The following AKAP10 variants were observed in gnomAD, a reference collection of about 807,000 sequenced individuals.
The protein encoded by AKAP10 is A-kinase anchor protein 10, mitochondrial.
In AKAP10, 24 loss-of-function variants were observed where a neutral mutation model predicts 80.8. That is an observed-to-expected ratio of 0.30 (90% CI 0.22 to 0.42). The LOEUF (loss-of-function observed/expected upper bound fraction) is 0.42. Ranked by LOEUF, AKAP10 falls within the 10% of genes least tolerant of loss-of-function variation. The probability of loss-of-function intolerance (pLI) is 1.00; values close to 1 mark genes in which losing one functional copy is unlikely to be tolerated. For synonymous variants in AKAP10, 291 were observed against 277.7 expected (o/e 1.05, Z -0.48); for missense variants, 661 against 794.9 (o/e 0.83, Z 2.03).
intron 1 of AKAP10, among the ~76,000 whole-genome samples, chr17:19,972,035 G>A (rs2043504420): frequency 6.6e-6 from 1 of 152,154 alleles, no homozygotes; most frequent in Non-Finnish European, 1.5e-5. Flanking sequence ...GAACCCAGGA[G>A]GCAGAGATTG....
At position 19,909,254 on chromosome 17, in the gene AKAP10, T is replaced by G. The variant is rs769991132; in HGVS notation, c.1910A>C (p.Lys637Thr). Residue 637 changes from lysine to threonine, a missense_variant, in exon 14 of 15, where the codon AAG becomes ACG. By Grantham distance (78) the Lys-to-Thr change is moderately conservative. Transcript: ENST00000225737. ...TDEAQEELAW[K>T]IAKMIVSDIM... Reference sequence around the variant, plus strand: ...GTCACTGACTATCATTTTAGCAATCTTCCAAGCTAGCTCTTCCTGGGCCTA... The same window carrying G: ...GTCACTGACTATCATTTTAGCAATCGTCCAAGCTAGCTCTTCCTGGGCCTA... 6.2e-7 allele frequency: 1 copy of G among 1,613,474 alleles called. No homozygotes were observed. The highest frequency in any genetic ancestry group is 8.5e-7 in the Non-Finnish European group (1 of 1,179,868).
intron 4 of AKAP10, among the ~76,000 whole-genome samples, chr17:19,952,000 T>C (rs972727385): frequency 3.3e-5 from 5 of 149,328 alleles, no homozygotes; most frequent in Non-Finnish European, 7.4e-5. Context: ...AATCCAAAGA[T>C]ATTAATATTA....
At chr17:19,909,506 A>G (rs1021777410) in intron 13 of AKAP10, among the ~76,000 whole-genome samples, 1 of 152,224 alleles carries the variant, frequency 6.6e-6, no homozygotes, top group Non-Finnish European at 1.5e-5. Flanking sequence ...AACTACTTTC[A>G]TATTAGATGG....
chr17:19,968,596 C>G (rs2043454046), intron 1 of AKAP10, 135 bp from the exon 2 acceptor site: 2 of 672,942 alleles, frequency 3.0e-6, no homozygotes, highest in Middle Eastern at 3.6e-4. Flanking sequence ...TGGAGGAGGG[C>G]ACAGGAGGGT....
chr17:19,937,509 A>T (rs1361882564), intron 8 of AKAP10, among the ~76,000 whole-genome samples: 7 of 152,202 alleles, frequency 4.6e-5, no homozygotes, highest in Non-Finnish European at 7.3e-5. Flanking sequence ...CTCAAAAAAT[A>T]AAAAAGAAGA....
In AKAP10 at chr17:19,977,577, C is replaced by T; in HGVS notation, c.88+15G>A. 1 of 1,233,272 alleles carries T rather than the reference C, an allele frequency of 8.1e-7. No individual in the cohort carries two copies. Among genetic ancestry groups the T allele is most frequent in the Non-Finnish European group, 1.0e-6 (1 of 987,666 alleles). The allele number at this position is 1,233,272 out of a possible 1,614,324, so 76.4% of individuals were successfully genotyped here. On this transcript the variant is annotated intron_variant, in intron 1 of 14. Transcript: ENST00000225737. ...GAGGCCCGGCCTGACTCCCCGCCGG[C>T]GCCCCCTCAGCTACCTTTCCGCCGG...
intron 4 of AKAP10, among the ~76,000 whole-genome samples, chr17:19,953,785 A>C (rs1363681558): frequency 6.6e-6 from 1 of 152,122 alleles, no homozygotes; most frequent in Non-Finnish European, 1.5e-5. Context: ...TAATCCTAAC[A>C]CTTTGGGAGG....
chr17:19,909,274 G>A lies in AKAP10; in HGVS notation c.1890C>T (p.Ala630=). Residue 630 remains alanine (A), a splice_region_variant and synonymous_variant, in exon 14 of 15, where the codon GCC becomes GCT. Coordinates refer to ENST00000225737, the MANE Select transcript of AKAP10 (RefSeq NM_007202.4). ...KKWVQGNTDE[A]QEELAWKIAK... ...CAATCTTCCAAGCTAGCTCTTCCTG[G>A]GCCTAAAGAAAATAATTTAAACTGG... is the stretch of plus-strand genomic sequence containing the variant. The A allele has an allele frequency of 6.2e-7, 1 of 1,611,280 alleles. No individual in the cohort carries two copies. The highest frequency in any genetic ancestry group is 8.5e-7 in the Non-Finnish European group (1 of 1,179,074).
intron 12 of AKAP10, among the ~76,000 whole-genome samples, chr17:19,919,746 C>G (rs1245151977): frequency 6.6e-6 from 1 of 151,528 alleles, no homozygotes; most frequent in African/African-American, 2.4e-5. Flanking sequence ...AACATTAAGT[C>G]CAACTTAGGT....
Position 19,977,665 on chromosome 17 carries a change from C to A in AKAP10, c.15G>T (p.Gly5=). MRGA[G]PSPRQSPRTL... ...TGCGGGGGGACTGGCGCGGGGAGGG[C>A]CCGGCTCCCCTCATTCAGCAACCGG... The change falls in exon 1 of 15, where the codon GGG becomes GGT. Residue 5 remains glycine, a synonymous_variant. Coordinates refer to ENST00000225737, the MANE Select transcript of AKAP10 (RefSeq NM_007202.4). 5 of 1,235,088 alleles carry A rather than the reference C, an allele frequency of 4.0e-6. No homozygotes were observed. The highest frequency in any genetic ancestry group is 5.1e-6 in the Non-Finnish European group (5 of 987,542). 76.5% of individuals were successfully genotyped at this position (1,235,088 alleles called of 1,614,324 possible).
At chr17:19,913,063 C>T (rs2042707406) in intron 12 of AKAP10, among the ~76,000 whole-genome samples, 1 of 151,648 alleles carries the variant, frequency 6.6e-6, no homozygotes, top group Non-Finnish European at 1.5e-5. Context: ...CTGCAAACTC[C>T]ACCTCCTGGG....
Position 19,977,712 on chromosome 17 carries a change from G to A in AKAP10, c.-33C>T, listed in dbSNP as rs2043591621. 1.7e-6 allele frequency: 2 copies of A among 1,211,050 alleles called. No individual in the cohort carries two copies. Among genetic ancestry groups the A allele is most frequent in the Non-Finnish European group, 2.1e-6 (2 of 965,640 alleles). The allele number at this position is 1,211,050 out of a possible 1,614,324, so 75.0% of individuals were successfully genotyped here. On this transcript the variant is annotated 5_prime_UTR_variant, in exon 1 of 15. Transcript: ENST00000225737. ...CCGGCCCGGACTTCCGGGTCCAGAG[G>A]GGCCGCTGCACTAGCGCGAAAAGGG...
chr17:19,973,694 A>G (rs1265308868), intron 1 of AKAP10, among the ~76,000 whole-genome samples: 3 of 152,214 alleles, frequency 2.0e-5, no homozygotes, highest in Non-Finnish European at 4.4e-5. Flanking sequence ...TTAAGCTAAG[A>G]TTTGAATGTC....
At chr17:19,911,662 C>G (rs529110243) in intron 12 of AKAP10, among the ~76,000 whole-genome samples, 5 of 151,444 alleles carry the variant, frequency 3.3e-5, no homozygotes, top group African/African-American at 9.7e-5. Context: ...ATGGAGAAAC[C>G]CCGTCTCTAC....
intron 2 of AKAP10, among the ~76,000 whole-genome samples, chr17:19,968,201 CAAAAAAAAAAAA>C (rs34802640): frequency 1.5e-5 from 1 of 68,912 alleles, no homozygotes; most frequent in Non-Finnish European, 2.8e-5. Context: ...ACTCCGTCTC[CAAAAAAAAAAAA>C]AAAAAAAAAG....
intron 5 of AKAP10, among the ~76,000 whole-genome samples, chr17:19,946,916 C>G (rs1400488829): frequency 1.3e-5 from 2 of 152,172 alleles, no homozygotes; most frequent in African/African-American, 4.8e-5. Context: ...TGGGATGAAG[C>G]CCTGAGACGG....
intron 14 of AKAP10, among the ~76,000 whole-genome samples, chr17:19,907,410 C>CTTTTTTT (rs59027197): frequency 7.3e-6 from 1 of 136,412 alleles, no homozygotes; most frequent in Non-Finnish European, 1.6e-5. Context: ...TTTTCTTTAA[C>CTTTTTTT]TTTTTTTTTT....
chr17:19,947,567 T>TA, intron 4 of AKAP10, 62 bp from the exon 5 acceptor site: 1 of 1,041,392 alleles, frequency 9.6e-7, no homozygotes, highest in Non-Finnish European at 1.5e-6. Context: ...TAATGAATTA[T>TA]ATTCATGAAT....
intron 11 of AKAP10, among the ~76,000 whole-genome samples, chr17:19,920,869 A>AC (rs1450115897): frequency 4.7e-5 from 7 of 149,242 alleles, no homozygotes; most frequent in African/African-American, 1.7e-4. Flanking sequence ...AAAAAAAAAA[A>AC]AAAAAAAAAA....
Sources: gnomAD v4.1 joint callset for allele counts (sites outside exome capture counted in the v4.1 genomes callset) on GRCh38, gnomAD v4.1.1 for gene constraint, MANE v1.5 for transcripts, NCBI Gene and HGNC (gene_info 2026-07-23, HGNC 2026-07-21) for gene names.